RASA3: variants seen among roughly 807,000 people sequenced by gnomAD.
The protein encoded by RASA3 is RAS p21 protein activator 3.
A neutral mutation model predicts 110.0 loss-of-function variants in RASA3; 73 were observed. That is an observed-to-expected ratio of 0.66 (90% confidence interval 0.55 to 0.81). RASA3 has a LOEUF of 0.81. RASA3 is among the 30% of genes least tolerant of loss of function. The pLI is 0.00. For missense variants in RASA3, 976 were observed against 1,113.2 expected (o/e 0.88, Z 1.75); for synonymous variants, 500 against 451.4 (o/e 1.11, Z -1.37).
At chr13:114,063,842 A>G (rs1352910504) in intron 2 of RASA3, among the ~76,000 whole-genome samples, 1 of 152,208 alleles carries the variant, frequency 6.6e-6, no homozygotes, top group Non-Finnish European at 1.5e-5. Context: ...TCTTATAAAT[A>G]TTTCTACAGT....
rs1025106731 is a variant in RASA3 at position 114,046,386 on chromosome 13, C to A, written c.278-5292G>T. Among the ~76,000 whole-genome samples, 6 of 152,338 alleles carry A rather than the reference C, an allele frequency of 3.9e-5. No homozygotes were observed. In the East Asian group the frequency reaches 9.6e-4, roughly 24 times the overall value. On this transcript the variant is annotated intron_variant, in intron 3 of 23. Transcript: ENST00000334062. Reference sequence around the variant, plus strand: ...TGCTCCTGCACAGCAGGACTCCCCACGGGCGGGGTGTTGACAGTCTCAGCC... The same window carrying A: ...TGCTCCTGCACAGCAGGACTCCCCAAGGGCGGGGTGTTGACAGTCTCAGCC...
chr13:114,087,582 C>G (rs960566567), intron 1 of RASA3, among the ~76,000 whole-genome samples: 2 of 152,214 alleles, frequency 1.3e-5, no homozygotes, highest in Non-Finnish European at 2.9e-5. Context: ...CCCCGGCCTG[C>G]GCCTCTGGAG....
rs370709183 is a variant in RASA3, at chr13:114,023,716, G to A, written c.680+563C>T. On this transcript the variant is annotated intron_variant, in intron 8 of 23. Transcript: ENST00000334062. Reference sequence around the variant, plus strand: ...GATTTCCCCGTTTCCCGTGGGAGGCGTTGAGGAGCCAGGAAAGGGCGGTGG... The same window carrying A: ...GATTTCCCCGTTTCCCGTGGGAGGCATTGAGGAGCCAGGAAAGGGCGGTGG... 6.6e-5 allele frequency among the ~76,000 whole-genome samples: 10 copies of A among 152,344 alleles called. No homozygotes were observed. In the East Asian group the frequency reaches 1.4e-3, roughly 21 times the overall value.
intron 2 of RASA3, among the ~76,000 whole-genome samples, chr13:114,061,693 GAAAA>G (rs1215459554): frequency 2.7e-5 from 4 of 145,648 alleles, no homozygotes; most frequent in Non-Finnish European, 6.0e-5. Flanking sequence ...AAAAAAAAAA[GAAAA>G]AGAAAGAAAG....
At chr13:114,091,294 C>T (rs2079887331) in intron 1 of RASA3, among the ~76,000 whole-genome samples, 1 of 151,700 alleles carries the variant, frequency 6.6e-6, no homozygotes, top group Non-Finnish European at 1.5e-5. Context: ...AGGTCGTGTC[C>T]CAGATTTCAG....
chr13:113,999,286 G>A (rs2053327914), intron 20 of RASA3, among the ~76,000 whole-genome samples: 2 of 152,164 alleles, frequency 1.3e-5, no homozygotes, highest in Admixed American at 1.3e-4. Flanking sequence ...TTTGACAGAG[G>A]GCCCCTTGAC....
At chr13:114,024,905 G>A (rs1000593485) in intron 7 of RASA3, among the ~76,000 whole-genome samples, 4 of 151,648 alleles carry the variant, frequency 2.6e-5, no homozygotes, top group South Asian at 2.1e-4. Flanking sequence ...CCTCCGCACC[G>A]TGGGTTCCTT....
At chr13:114,130,575 C>T (rs2080503322) in intron 1 of RASA3, among the ~76,000 whole-genome samples, 1 of 152,172 alleles carries the variant, frequency 6.6e-6, no homozygotes, top group Non-Finnish European at 1.5e-5. Context: ...GCCCGCAGGC[C>T]GGTGAAGCTG....
At chr13:114,025,705 C>T (rs2054012951) in intron 7 of RASA3, among the ~76,000 whole-genome samples, 1 of 152,262 alleles carries the variant, frequency 6.6e-6, no homozygotes, top group African/African-American at 2.4e-5. Flanking sequence ...TATTTAATCT[C>T]ATTTAGAGAG....
At chr13:114,075,141 C>G (rs1217284846) in intron 1 of RASA3, among the ~76,000 whole-genome samples, 3 of 152,222 alleles carry the variant, frequency 2.0e-5, no homozygotes, top group Non-Finnish European at 4.4e-5. Context: ...TGGCGCCACT[C>G]AGGGCCACAT....
chr13:114,056,590 C>T lies in RASA3; in HGVS notation c.174-4435G>A, dbSNP rs976440564. ...TAACTCTGCTTGGCAGTGGGGGGCT[C>T]GGTGGGGGGAGGCCCGTGCTGGCTG... On this transcript the variant is annotated intron_variant, in intron 2 of 23. Coordinates refer to ENST00000334062, the MANE Select transcript of RASA3 (RefSeq NM_007368.4). The surrounding 1 kb of genome is among the most constrained non-coding windows in gnomAD (Gnocchi z 5.7). The T allele has an allele frequency of 3.6e-5, 35 of 984,490 alleles. No homozygotes were observed. The highest frequency in any genetic ancestry group is 4.7e-5 in the South Asian group (1 of 21,206). The allele number at this position is 984,490 out of a possible 1,614,324, so 61.0% of individuals were successfully genotyped here.
chr13:114,015,555 G>A (rs1030309992), intron 13 of RASA3, among the ~76,000 whole-genome samples: 8 of 152,252 alleles, frequency 5.3e-5, no homozygotes, highest in East Asian at 1.9e-4. Flanking sequence ...TCGGCTCCCC[G>A]GCTCGGCCCC....
At chr13:114,043,841 C>CA (rs2078986547) in intron 3 of RASA3, among the ~76,000 whole-genome samples, 2 of 67,298 alleles carry the variant, frequency 3.0e-5, no homozygotes, top group African/African-American at 1.5e-4. Flanking sequence ...CGCTGAGCCC[C>CA]CCGCCCCGCC....
In RASA3 at chr13:114,048,451, G is replaced by A. The variant is rs1383495577; in HGVS notation, c.277+3601C>T. ...GTGCTACCAGAGCCGGGGCCCAGAG[G>A]AAGGTGGAGGCCTAGCGGGAAAAGG... On this transcript the variant is annotated intron_variant, in intron 3 of 23. Transcript: ENST00000334062. This position sits in a 1 kb window ranked among gnomAD's most constrained non-coding sequence, Gnocchi z 4.3. 6.6e-6 allele frequency among the ~76,000 whole-genome samples: 1 copy of A among 152,162 alleles called. No individual in the cohort carries two copies. The highest frequency in any genetic ancestry group is 1.5e-5 in the Non-Finnish European group (1 of 68,018).
chr13:114,023,094 C>T (rs1344294138), intron 8 of RASA3, among the ~76,000 whole-genome samples: 4 of 152,236 alleles, frequency 2.6e-5, no homozygotes, highest in Admixed American at 6.5e-5. Context: ...GCCTGAGCCA[C>T]GCACCGGCTC....
intron 22 of RASA3, among the ~76,000 whole-genome samples, chr13:113,991,379 G>A (rs1043996923): frequency 6.6e-5 from 10 of 152,314 alleles, no homozygotes; most frequent in African/African-American, 2.4e-4. Context: ...TCAGGGGAAT[G>A]AAAAGAAGAA....
intron 1 of RASA3, among the ~76,000 whole-genome samples, chr13:114,078,364 C>A (rs770834600): frequency 2.0e-5 from 3 of 152,208 alleles, no homozygotes; most frequent in Non-Finnish European, 2.9e-5. Context: ...TATAAAAAGA[C>A]AAAGCTGTCT....
chr13:114,056,743 G>A lies in RASA3; in HGVS notation c.174-4588C>T. On this transcript the variant is annotated intron_variant, in intron 2 of 23. Coordinates refer to ENST00000334062, the MANE Select transcript of RASA3 (RefSeq NM_007368.4). This position sits in a 1 kb window ranked among gnomAD's most constrained non-coding sequence, Gnocchi z 5.7. ...AAAGAGATAAAAATAGCAGAAAGAG[G>A]AAGCTACAAGAAAACATACGAACTC... 2 of 878,948 alleles carry A rather than the reference G, an allele frequency of 2.3e-6. No individual in the cohort carries two copies. Among genetic ancestry groups the A allele is most frequent in the Middle Eastern group, 5.9e-4 (1 of 1,706 alleles). 54.4% of individuals were successfully genotyped at this position (878,948 alleles called of 1,614,324 possible). A position where few individuals can be genotyped will look rare whatever the true frequency, so the allele number is the denominator to read the frequency against.
chr13:114,023,894 G>T (rs968377009), intron 8 of RASA3, among the ~76,000 whole-genome samples: 4 of 152,214 alleles, frequency 2.6e-5, no homozygotes, highest in African/African-American at 9.6e-5. Flanking sequence ...GTGCCAGTGG[G>T]TCCTGCTCGG....
Sources: gnomAD v4.1 joint callset for allele counts (sites outside exome capture counted in the v4.1 genomes callset) on GRCh38, gnomAD v4.1.1 for gene constraint, Gnocchi (gnomAD v3.1) non-coding constraint, MANE v1.5 for transcripts, NCBI Gene and HGNC (gene_info 2026-07-23, HGNC 2026-07-21) for gene names.